The following FSD1L variants were observed in gnomAD, a reference collection of about 807,000 sequenced individuals.
FSD1L encodes FSD1-like protein.
In FSD1L, 45 loss-of-function variants were observed where a neutral mutation model predicts 71.6. That is an observed-to-expected ratio of 0.63 (90% CI 0.49 to 0.81). FSD1L has a LOEUF of 0.81. FSD1L is among the 30% of genes least tolerant of loss of function. The probability of loss-of-function intolerance (pLI) is 0.00; values close to 1 mark genes in which losing one functional copy is unlikely to be tolerated. For missense variants in FSD1L, 561 were observed against 618.1 expected (o/e 0.91, Z 0.98); for synonymous variants, 197 against 207.2 (o/e 0.95, Z 0.42).
intron 13 of FSD1L, 148 bp downstream of exon 13, chr9:105,539,499 C>G (rs1022770455): frequency 2.3e-6 from 1 of 429,224 alleles, no homozygotes; most frequent in Non-Finnish European, 4.1e-6. Flanking sequence ...CACCCTCTCC[C>G]AAATCTGTGA....
upstream of FSD1L, among the ~76,000 whole-genome samples, chr9:105,447,324 C>CAAAAAAAAAA (rs35514046): frequency 1.6e-5 from 1 of 61,554 alleles, no homozygotes; most frequent in Non-Finnish European, 2.7e-5. Context: ...ACTCCATCTC[C>CAAAAAAAAAA]AAAAAAAAAA....
In FSD1L at chr9:105,448,242, G is replaced by T; in HGVS notation, c.15+7G>T. 7 of 1,537,052 alleles carry T rather than the reference G, an allele frequency of 4.6e-6. No homozygotes were observed. The highest frequency in any genetic ancestry group is 4.0e-5 in the Admixed American group (2 of 50,156). ...CGCCATGGACTCCCAGAAAGTAAGC[G>T]GGGGAGGGGAGCCCGGGGCTACCGA... On this transcript the variant is annotated splice_region_variant and intron_variant, in intron 1 of 13. Coordinates refer to ENST00000481272, the MANE Select transcript of FSD1L (RefSeq NM_001145313.3).
intron 7 of FSD1L, among the ~76,000 whole-genome samples, chr9:105,494,263 G>T (rs558156760): frequency 3.3e-5 from 5 of 151,796 alleles, no homozygotes; most frequent in Admixed American, 2.0e-4. Flanking sequence ...ATCTTCCATT[G>T]CTGATACCCT....
At chr9:105,478,862 T>A (rs2131679166) in intron 5 of FSD1L, among the ~76,000 whole-genome samples, 1 of 152,336 alleles carries the variant, frequency 6.6e-6, no homozygotes, top group East Asian at 1.9e-4. Context: ...AGGCAAACTC[T>A]GAGAATTCCT....
chr9:105,508,174 CTTTT>C (rs11320443), intron 8 of FSD1L, among the ~76,000 whole-genome samples: 4 of 100,472 alleles, frequency 4.0e-5, no homozygotes, highest in Admixed American at 1.1e-4. Context: ...ACATATCACT[CTTTT>C]TTTTTTTTTT....
chr9:105,457,624 T>C (rs1830435628), intron 1 of FSD1L, among the ~76,000 whole-genome samples: 1 of 152,248 alleles, frequency 6.6e-6, no homozygotes, highest in South Asian at 2.1e-4. Flanking sequence ...GAAACCTCTG[T>C]AGCTGGCAGT....
rs536208487 is a variant in FSD1L, at chr9:105,543,870, G to A, written c.1468-2488G>A. Among the ~76,000 whole-genome samples the A allele has an allele frequency of 9.0e-3, 1,376 of 152,232 alleles. 22 individuals carry two copies. The highest frequency in any genetic ancestry group is 0.032 in the African/African-American group (1,320 of 41,506). ...GGGTTGGTTCCAAGTCTTTGCTATT[G>A]TGAATAGTGCCGCAATAAACATACA... is the stretch of plus-strand genomic sequence containing the variant. On this transcript the variant is annotated intron_variant, in intron 13 of 13. Transcript: ENST00000481272.
At chr9:105,478,223 C>T (rs1045076071) in intron 5 of FSD1L, among the ~76,000 whole-genome samples, 11 of 151,994 alleles carry the variant, frequency 7.2e-5, no homozygotes, top group Non-Finnish European at 1.0e-4. Context: ...CCAGCCTGGG[C>T]GACAGAACAA....
At chr9:105,528,375 T>G (rs1564143026) in intron 10 of FSD1L, among the ~76,000 whole-genome samples, 1 of 152,122 alleles carries the variant, frequency 6.6e-6, no homozygotes. Flanking sequence ...CTACCTGACT[T>G]CAAACTATAC....
intron 7 of FSD1L, among the ~76,000 whole-genome samples, chr9:105,489,666 C>A (rs1022663088): frequency 6.6e-6 from 1 of 152,178 alleles, no homozygotes; most frequent in African/African-American, 2.4e-5. Flanking sequence ...TCCCCTCACC[C>A]CACAACAGTC....
intron 10 of FSD1L, chr9:105,525,668 C>T (rs1359371814): frequency 1.1e-5 from 17 of 1,609,722 alleles, no homozygotes; most frequent in Non-Finnish European, 1.4e-5. Context: ...TGCCGAGAGA[C>T]ACACAAGATT....
intron 7 of FSD1L, among the ~76,000 whole-genome samples, chr9:105,504,013 A>C (rs1833914312): frequency 6.6e-6 from 1 of 152,220 alleles, no homozygotes; most frequent in South Asian, 2.1e-4. Context: ...TGTAGATAGC[A>C]GGGTGCTAAC....
intron 7 of FSD1L, among the ~76,000 whole-genome samples, chr9:105,486,543 G>A (rs1293806718): frequency 1.3e-5 from 2 of 152,064 alleles, no homozygotes; most frequent in East Asian, 3.8e-4. Flanking sequence ...TCTTACTTAA[G>A]AAAGGAAAAT....
chr9:105,463,425 C>T (rs1230829016), intron 2 of FSD1L, among the ~76,000 whole-genome samples: 2 of 152,196 alleles, frequency 1.3e-5, no homozygotes, highest in African/African-American at 2.4e-5. Flanking sequence ...GGAGTTACTG[C>T]AACTAGACTT....
chr9:105,537,695 T>C (rs1232884755), intron 12 of FSD1L, among the ~76,000 whole-genome samples: 2 of 152,070 alleles, frequency 1.3e-5, no homozygotes, highest in African/African-American at 2.4e-5. Flanking sequence ...TTTAGAAATA[T>C]TAGAGAGTCA....
chr9:105,443,325 A>ACAGCTTTCATCTG (rs144633647), upstream of FSD1L, among the ~76,000 whole-genome samples: 26,936 of 152,074 alleles, frequency 0.18, 4,392 homozygotes, highest in African/African-American at 0.43. Context: ...CAGATGAAAG[A>ACAGCTTTCATCTG]CAGCTTTCAT....
chr9:105,528,596 G>A (rs754894473), intron 10 of FSD1L, among the ~76,000 whole-genome samples: 7 of 152,088 alleles, frequency 4.6e-5, no homozygotes, highest in Admixed American at 4.6e-4. Flanking sequence ...AACTGAAACT[G>A]GACCCCTTCC....
At chr9:105,459,872 G>A (rs768302296) in intron 1 of FSD1L, among the ~76,000 whole-genome samples, 6 of 152,208 alleles carry the variant, frequency 3.9e-5, no homozygotes, top group Admixed American at 1.3e-4. Context: ...ATTGCAGTGC[G>A]TCCTCTGAAA....
chr9:105,532,109 A>C (rs1447336576), intron 10 of FSD1L, among the ~76,000 whole-genome samples: 1 of 152,232 alleles, frequency 6.6e-6, no homozygotes, highest in Non-Finnish European at 1.5e-5. Context: ...TGAGTTCAGC[A>C]CATGGTTTAA....
Sources: allele counts gnomAD v4.1 joint callset (sites outside exome capture counted in the v4.1 genomes callset), GRCh38; gene constraint gnomAD v4.1.1; transcripts MANE v1.5; gene names NCBI Gene and HGNC (gene_info 2026-07-23, HGNC 2026-07-21).